Variants in SLC5A8 observed in about 807,000 individuals in gnomAD.
The protein encoded by SLC5A8 is sodium-coupled monocarboxylate transporter 1.
SLC5A8 carries 55 observed loss-of-function variants against 71.9 expected under a neutral mutation model. The ratio of observed to expected loss-of-function variants is 0.77; its 90% CI spans 0.62 to 0.96. The LOEUF is 0.96. Among genes scored for constraint, SLC5A8 ranks in the 40% least tolerant of loss-of-function variants. The pLI is 0.00. For synonymous variants in SLC5A8, 307 were observed against 276.1 expected (o/e 1.11, Z -1.11); for missense variants, 701 against 745.3 (o/e 0.94, Z 0.69).
At chr12:101,179,915 C>T in intron 10 of SLC5A8, 114 bp downstream of exon 10, 1 of 1,072,654 alleles carries the variant, frequency 9.3e-7, no homozygotes, top group South Asian at 1.3e-5. Flanking sequence ...ATCCCTGCCA[C>T]TTGATATGTC....
At position 101,209,688 on chromosome 12, in the gene SLC5A8, G is replaced by A. The variant is rs781507802; in HGVS notation, c.161C>T (p.Ala54Val). 4 of 1,613,600 alleles carry A rather than the reference G, an allele frequency of 2.5e-6. No homozygotes were observed. Among genetic ancestry groups the A allele is most frequent in the Admixed American group, 3.3e-5 (2 of 60,034 alleles). ...GGTGAGGGACAGCGCCACGGGCACT[G>A]CGGTCATTCTGCGGCCGCCCATCAG... ...DFLMGGRRMTAVPVALSLTAS... is the reference protein window; with the variant it reads ...DFLMGGRRMTVVPVALSLTAS... Residue 54 changes from alanine (A) to valine (V), a missense_variant, in exon 1 of 15, where the codon GCA becomes GTA. Transcript: ENST00000536262.
Position 101,155,668 on chromosome 12 carries a change from T to C in SLC5A8, c.*1611A>G, listed in dbSNP as rs1373427730. ...TGCCTAGCTAAGTTTTTTTTATTTT[T>C]ATTTTTTATTTTTGTAGAGATGAGG... On this transcript the variant is annotated 3_prime_UTR_variant, in exon 15 of 15. Coordinates refer to ENST00000536262, the MANE Select transcript of SLC5A8 (RefSeq NM_145913.5). 2.0e-5 allele frequency: 3 copies of C among 151,618 alleles called. No individual in the cohort carries two copies. The highest frequency in any genetic ancestry group is 6.6e-5 in the Admixed American group (1 of 15,204). The allele number at this position is 151,618 out of a possible 1,614,324, so 9.4% of individuals were successfully genotyped here. A position where few individuals can be genotyped will look rare whatever the true frequency, so the allele number is the denominator to read the frequency against.
intron 3 of SLC5A8, among the ~76,000 whole-genome samples, chr12:101,197,129 T>A (rs574261747): frequency 6.6e-6 from 1 of 152,354 alleles, no homozygotes; most frequent in Non-Finnish European, 1.5e-5. Flanking sequence ...TGGGGGATAG[T>A]AGGAAACCAA....
intron 14 of SLC5A8, among the ~76,000 whole-genome samples, 183 bp downstream of exon 14, chr12:101,158,066 A>G (rs937776423): frequency 6.6e-6 from 1 of 152,214 alleles, no homozygotes; most frequent in East Asian, 1.9e-4. Context: ...ATATGGAGCT[A>G]TAAAACAGAT....
At chr12:101,207,680 A>G (rs895879239) in intron 1 of SLC5A8, among the ~76,000 whole-genome samples, 1 of 152,168 alleles carries the variant, frequency 6.6e-6, no homozygotes, top group Admixed American at 6.5e-5. Flanking sequence ...TTGGTTAGCT[A>G]TAGATCACAG....
rs916776453 is a variant in SLC5A8, at chr12:101,157,237, A to C, written c.*42T>G. The C allele has an allele frequency of 1.3e-6, 2 of 1,593,094 alleles. No individual in the cohort carries two copies. The highest frequency in any genetic ancestry group is 1.3e-5 in the African/African-American group (1 of 74,206). On this transcript the variant is annotated 3_prime_UTR_variant, in exon 15 of 15. Transcript: ENST00000536262. ...ATCCAATTATCTTAGAAAACATATA[A>C]AATTGAAACATCATTTAAGGATATC...
chr12:101,169,993 T>C (rs1178177272), intron 10 of SLC5A8, among the ~76,000 whole-genome samples: 1 of 152,202 alleles, frequency 6.6e-6, no homozygotes, highest in African/African-American at 2.4e-5. Context: ...ATAGGAAAAG[T>C]CTCTTTAAAT....
At chr12:101,186,194 T>G (rs1566316710) in intron 7 of SLC5A8, among the ~76,000 whole-genome samples, 1 of 139,566 alleles carries the variant, frequency 7.2e-6, no homozygotes, top group Non-Finnish European at 1.5e-5. Flanking sequence ...TTGATAACAG[T>G]CACAAAATAT....
At chr12:101,162,798 T>C (rs1455985929) in intron 12 of SLC5A8, among the ~76,000 whole-genome samples, 1 of 152,200 alleles carries the variant, frequency 6.6e-6, no homozygotes, top group Non-Finnish European at 1.5e-5. Flanking sequence ...CACAGGTATC[T>C]AAAATAAAAG....
In SLC5A8 at chr12:101,204,495, C is replaced by T. The variant is rs1168931110; in HGVS notation, c.417+5G>A. The stretch of plus-strand genomic sequence containing the variant: ...AAAAGATAAAATAAATGGAGAGCTA[C>T]TTACTGTTTGAACAATGAAGAGGAC... On this transcript the variant is annotated splice_donor_5th_base_variant and intron_variant, in intron 2 of 14. Transcript: ENST00000536262. 1.3e-6 allele frequency: 2 copies of T among 1,591,224 alleles called. No individual in the cohort carries two copies. The highest frequency in any genetic ancestry group is 1.4e-5 in the African/African-American group (1 of 73,388).
intron 10 of SLC5A8, among the ~76,000 whole-genome samples, chr12:101,168,456 T>C (rs1018333812): frequency 9.9e-5 from 15 of 152,224 alleles, no homozygotes; most frequent in African/African-American, 3.6e-4. Flanking sequence ...GTAGTGCCTA[T>C]GTGAATGTAT....
chr12:101,197,158 C>A (rs1246282141), intron 3 of SLC5A8, among the ~76,000 whole-genome samples: 2 of 152,190 alleles, frequency 1.3e-5, no homozygotes, highest in Admixed American at 1.3e-4. Flanking sequence ...TTTTAAAATT[C>A]ATAAGGGGAA....
At position 101,210,017 on chromosome 12, in the gene SLC5A8, G is replaced by A; in HGVS notation, c.-169C>T. On this transcript the variant is annotated 5_prime_UTR_variant, in exon 1 of 15. Transcript: ENST00000536262. ...CTCCGAACGCACCCCGAGGCGGGGT[G>A]AGGGCTGGCAGTCGCCCCTGCACCC... 3.5e-6 allele frequency: 2 copies of A among 577,176 alleles called. No homozygotes were observed. Among genetic ancestry groups the A allele is most frequent in the South Asian group, 5.5e-5 (2 of 36,440 alleles). The allele number at this position is 577,176 out of a possible 1,614,324, so 35.8% of individuals were successfully genotyped here.
At chr12:101,194,995 G>T in intron 4 of SLC5A8, 100 bp downstream of exon 4, 1 of 1,110,204 alleles carries the variant, frequency 9.0e-7, no homozygotes, top group Non-Finnish European at 1.3e-6. Flanking sequence ...GAATAGGAGA[G>T]TAAGTGTGGA....
intron 11 of SLC5A8, among the ~76,000 whole-genome samples, chr12:101,167,069 G>A (rs2051780232): frequency 6.6e-6 from 1 of 152,016 alleles, no homozygotes; most frequent in Non-Finnish European, 1.5e-5. Context: ...GGACATGTTA[G>A]CTTAGTCAGC....
At chr12:101,179,890 T>C in intron 10 of SLC5A8, 139 bp downstream of exon 10, 1 of 830,160 alleles carries the variant, frequency 1.2e-6, no homozygotes. Flanking sequence ...TTAAAAAAAA[T>C]TAAAAAGTGT....
chr12:101,180,023 T>C lies in SLC5A8; in HGVS notation c.1233+6A>G. ...ATGACTTAAACCTCCAGGGGCCAGC[T>C]CTCACCTGCAACAAAGCTCCCATAA... On this transcript the variant is annotated splice_donor_region_variant and intron_variant, in intron 10 of 14. Transcript: ENST00000536262. 6.2e-7 allele frequency: 1 copy of C among 1,613,922 alleles called. No individual in the cohort carries two copies. Among genetic ancestry groups the C allele is most frequent in the Non-Finnish European group, 8.5e-7 (1 of 1,179,870 alleles).
chr12:101,160,645 T>A (rs1262545015), intron 13 of SLC5A8, among the ~76,000 whole-genome samples: 1 of 152,184 alleles, frequency 6.6e-6, no homozygotes, highest in Admixed American at 6.5e-5. Context: ...GCCCCAGCAC[T>A]GTGATCTCTC....
rs150887512 is a variant in SLC5A8 at position 101,192,210 on chromosome 12, C to T, written c.692+1415G>A. On this transcript the variant is annotated intron_variant, in intron 5 of 14. Transcript: ENST00000536262. ...GGGTGGAACCAAGGTCCAAGCTAGG[C>T]AACTAGAGCCTCTTTTCCTTAGAAT... is the stretch of plus-strand genomic sequence containing the variant. Among the ~76,000 whole-genome samples, 17 of 152,272 alleles carry T rather than the reference C, an allele frequency of 1.1e-4. No homozygotes were observed. In the East Asian group the frequency reaches 1.2e-3, roughly 10 times the overall value.
Sources: gnomAD v4.1 joint callset for allele counts (sites outside exome capture counted in the v4.1 genomes callset) on GRCh38, gnomAD v4.1.1 for gene constraint, MANE v1.5 for transcripts, NCBI Gene and HGNC (gene_info 2026-07-23, HGNC 2026-07-21) for gene names.